The following EXOC4 variants were observed in gnomAD, a reference collection of about 807,000 sequenced individuals.
EXOC4 encodes SEC8-like 1.
In EXOC4, 71 loss-of-function variants were observed where a neutral mutation model predicts 107.2. That is an observed-to-expected ratio of 0.66 (90% CI 0.55 to 0.81). The LOEUF (loss-of-function observed/expected upper bound fraction) is 0.81, where lower values mean the gene tolerates loss of function less well. Among genes scored for constraint, EXOC4 ranks in the 30% least tolerant of loss-of-function variants. EXOC4 has a pLI of 0.00. For synonymous variants in EXOC4, 456 were observed against 441.2 expected, an observed-to-expected ratio of 1.03 and a Z score of -0.42; for missense variants, 1,108 against 1,189.6, an observed-to-expected ratio of 0.93 and a Z score of 1.01.
intron 13 of EXOC4, among the ~76,000 whole-genome samples, chr7:133,929,493 C>A (rs1446525469): frequency 6.6e-6 from 1 of 151,888 alleles, no homozygotes; most frequent in Non-Finnish European, 1.5e-5. Context: ...AAAAATGGAT[C>A]ATCTTAAGCC....
In EXOC4 at chr7:133,253,138, A is replaced by G. The variant is rs764801416; in HGVS notation, c.37A>G (p.Thr13Ala). ...AEAAGGKYRS[T>A]VSKSKDPSGL... ...AGCAGCTGGTGGGAAATACAGAAGC[A>G]CAGTCAGCAAAAGCAAAGACCCCTC... Residue 13 changes from threonine to alanine, a missense_variant, in exon 1 of 18, where the codon ACA (threonine) becomes GCA (alanine). Coordinates refer to ENST00000253861, the MANE Select transcript of EXOC4 (RefSeq NM_021807.4). 6.8e-6 allele frequency: 11 copies of G among 1,614,066 alleles called. No homozygotes were observed. In the Admixed American group the frequency reaches 1.3e-4, roughly 20 times the overall value.
intron 14 of EXOC4, among the ~76,000 whole-genome samples, chr7:133,960,612 A>T (rs1398048809): frequency 6.6e-6 from 1 of 152,244 alleles, no homozygotes; most frequent in Non-Finnish European, 1.5e-5. Context: ...GTCTCAATAA[A>T]TGCAGAAAAA....
intron 5 of EXOC4, among the ~76,000 whole-genome samples, chr7:133,336,720 TTTTATTTA>T (rs774604475): frequency 3.4e-5 from 1 of 29,478 alleles, no homozygotes; most frequent in East Asian, 7.1e-4. Flanking sequence ...TTTTATTTTA[TTTTATTTA>T]TTTTATTTTA....
intron 17 of EXOC4, among the ~76,000 whole-genome samples, chr7:134,018,192 A>G (rs780944110): frequency 2.6e-5 from 4 of 152,224 alleles, no homozygotes; most frequent in Non-Finnish European, 5.9e-5. Context: ...CTGTGACTGA[A>G]GCCCAAGAAT....
chr7:133,427,275 T>C (rs1242174564), intron 7 of EXOC4, among the ~76,000 whole-genome samples: 1 of 152,186 alleles, frequency 6.6e-6, no homozygotes, highest in Non-Finnish European at 1.5e-5. Flanking sequence ...CCAGCCTTTC[T>C]CAGTAGGGTG....
chr7:133,883,521 T>C (rs1585221374), intron 11 of EXOC4, among the ~76,000 whole-genome samples: 1 of 151,256 alleles, frequency 6.6e-6, no homozygotes, highest in African/African-American at 2.4e-5. Context: ...CCTCTGCCTG[T>C]AGTCTCAGCT....
At chr7:133,518,847 G>A (rs991018536) in intron 9 of EXOC4, among the ~76,000 whole-genome samples, 1 of 152,058 alleles carries the variant, frequency 6.6e-6, no homozygotes, top group African/African-American at 2.4e-5. Context: ...ATAAGGGAAT[G>A]GAGAGTTATT....
intron 7 of EXOC4, among the ~76,000 whole-genome samples, chr7:133,441,518 G>A (rs1486696294): frequency 6.6e-6 from 1 of 152,128 alleles, no homozygotes; most frequent in African/African-American, 2.4e-5. Context: ...AGCCTCCCGA[G>A]TACCTGGGAT....
At chr7:133,629,655 C>T (rs1322262310) in intron 9 of EXOC4, among the ~76,000 whole-genome samples, 3 of 152,020 alleles carry the variant, frequency 2.0e-5, no homozygotes, top group African/African-American at 4.8e-5. Flanking sequence ...ATTCTCCTGC[C>T]TCAACCTCCC....
At chr7:133,494,945 A>G (rs1343166922) in intron 9 of EXOC4, among the ~76,000 whole-genome samples, 1 of 152,102 alleles carries the variant, frequency 6.6e-6, no homozygotes, top group Non-Finnish European at 1.5e-5. Flanking sequence ...AGTTCCTATA[A>G]TACTTTTAGA....
chr7:133,769,541 T>G (rs988670610), intron 10 of EXOC4, among the ~76,000 whole-genome samples: 1 of 151,858 alleles, frequency 6.6e-6, no homozygotes, highest in Non-Finnish European at 1.5e-5. Context: ...CCTTGAGCCA[T>G]GTAGCACACA....
At chr7:133,309,849 A>G (rs1198518176) in intron 4 of EXOC4, among the ~76,000 whole-genome samples, 1 of 152,148 alleles carries the variant, frequency 6.6e-6, no homozygotes, top group African/African-American at 2.4e-5. Context: ...CTGTGGCAGG[A>G]GACTCACTTG....
At chr7:133,787,984 TATATATATATA>T (rs1796622382) in intron 10 of EXOC4, among the ~76,000 whole-genome samples, 1 of 90,194 alleles carries the variant, frequency 1.1e-5, no homozygotes, top group Non-Finnish European at 2.2e-5. Context: ...TATATATATA[TATATATATATA>T]TATATATATA....
chr7:134,014,260 C>T (rs1214716775), intron 17 of EXOC4, among the ~76,000 whole-genome samples: 1 of 152,040 alleles, frequency 6.6e-6, no homozygotes, highest in Non-Finnish European at 1.5e-5. Context: ...AAAAATTAGC[C>T]GGGCATGGTG....
intron 9 of EXOC4, among the ~76,000 whole-genome samples, chr7:133,520,804 C>T (rs1322049524): frequency 6.6e-6 from 1 of 151,864 alleles, no homozygotes; most frequent in Non-Finnish European, 1.5e-5. Flanking sequence ...CTTTCTTTTC[C>T]TTTCTCTATC....
intron 3 of EXOC4, among the ~76,000 whole-genome samples, chr7:133,289,782 G>C (rs964515685): frequency 1.3e-5 from 2 of 152,216 alleles, no homozygotes; most frequent in Non-Finnish European, 2.9e-5. Flanking sequence ...GTGGCTCTTA[G>C]AGAGGGCTGC....
intron 10 of EXOC4, among the ~76,000 whole-genome samples, chr7:133,684,967 C>G (rs1794264615): frequency 6.6e-6 from 1 of 152,154 alleles, no homozygotes; most frequent in Non-Finnish European, 1.5e-5. Flanking sequence ...AAAATCCAAT[C>G]AGCAAAGGGA....
At chr7:134,046,075 A>G (rs901799355) in intron 17 of EXOC4, among the ~76,000 whole-genome samples, 1 of 152,132 alleles carries the variant, frequency 6.6e-6, no homozygotes, top group Non-Finnish European at 1.5e-5. Flanking sequence ...GTTTATATCG[A>G]AGTATGGCAT....
intron 7 of EXOC4, among the ~76,000 whole-genome samples, chr7:133,420,239 C>T (rs921611309): frequency 2.7e-5 from 4 of 147,032 alleles, no homozygotes; most frequent in Admixed American, 1.4e-4. Context: ...TTTGTTCTTG[C>T]GATAGTTTAC....
Sources: allele counts gnomAD v4.1 joint callset (sites outside exome capture counted in the v4.1 genomes callset), GRCh38; gene constraint gnomAD v4.1.1; transcripts MANE v1.5; gene names NCBI Gene and HGNC (gene_info 2026-07-23, HGNC 2026-07-21).